Variants in CADM2 observed in about 807,000 individuals in gnomAD.
CADM2 encodes cell adhesion molecule 2, also known as immunoglobulin superfamily member 4D.
CADM2 carries 12 observed loss-of-function variants against 49.8 expected under a neutral mutation model. That is an observed-to-expected ratio of 0.24 (90% CI 0.15 to 0.39). The LOEUF is 0.39. CADM2 is among the 10% of genes least tolerant of loss of function. The probability of loss-of-function intolerance (pLI) is 1.00; values close to 1 mark genes in which losing one functional copy is unlikely to be tolerated. For missense variants in CADM2, 378 were observed against 492.3 expected, an observed-to-expected ratio of 0.77 and a Z score of 2.20; for synonymous variants, 214 against 175.4, an observed-to-expected ratio of 1.22 and a Z score of -1.74.
At chr3:85,996,290 C>CTTTTT (rs397990432) in intron 8 of CADM2, among the ~76,000 whole-genome samples, 46 of 89,274 alleles carry the variant, frequency 5.2e-4, no homozygotes, top group East Asian at 7.3e-4. Flanking sequence ...TTTTCATTTA[C>CTTTTT]TTTTTTTTTT....
At chr3:85,139,006 C>T (rs1356487499) in intron 1 of CADM2, among the ~76,000 whole-genome samples, 2 of 152,124 alleles carry the variant, frequency 1.3e-5, no homozygotes, top group Non-Finnish European at 2.9e-5. Flanking sequence ...TCTATGTGTT[C>T]AGCTCATTGC....
chr3:85,235,378 T>C (rs1258161965), intron 1 of CADM2, among the ~76,000 whole-genome samples: 1 of 152,080 alleles, frequency 6.6e-6, no homozygotes, highest in Non-Finnish European at 1.5e-5. Flanking sequence ...CCTAAATACT[T>C]ATTACTTATG....
intron 1 of CADM2, among the ~76,000 whole-genome samples, chr3:84,969,213 C>G (rs1335474987): frequency 1.3e-5 from 2 of 151,794 alleles, no homozygotes; most frequent in Non-Finnish European, 2.9e-5. Flanking sequence ...CAACTTGTGT[C>G]TTTTATTCTT....
intron 1 of CADM2, among the ~76,000 whole-genome samples, chr3:85,651,349 G>A (rs2065036739): frequency 1.3e-5 from 2 of 152,096 alleles, no homozygotes; most frequent in Non-Finnish European, 2.9e-5. Flanking sequence ...TTGCAAATTA[G>A]TCATGTCTTT....
At chr3:85,238,281 T>A (rs1016415390) in intron 1 of CADM2, among the ~76,000 whole-genome samples, 1 of 152,050 alleles carries the variant, frequency 6.6e-6, no homozygotes, top group Non-Finnish European at 1.5e-5. Flanking sequence ...ATACCATTTT[T>A]AATGAGTACA....
intron 1 of CADM2, among the ~76,000 whole-genome samples, chr3:85,173,040 G>A (rs2040673582): frequency 6.8e-6 from 1 of 148,108 alleles, no homozygotes; most frequent in Non-Finnish European, 1.5e-5. Context: ...TGTCGCCCAG[G>A]CTGGGTTGCG....
intron 8 of CADM2, among the ~76,000 whole-genome samples, chr3:86,054,326 A>G (rs1165600360): frequency 1.3e-5 from 2 of 152,110 alleles, no homozygotes; most frequent in Non-Finnish European, 2.9e-5. Context: ...AGAATAATCA[A>G]TTCCAAAAAT....
intron 1 of CADM2, among the ~76,000 whole-genome samples, chr3:85,522,523 G>A (rs1386479928): frequency 1.3e-5 from 2 of 151,962 alleles, no homozygotes; most frequent in African/African-American, 4.8e-5. Context: ...AGCAAATATT[G>A]ACTTTTTAAA....
At chr3:84,996,899 G>A (rs1272232841) in intron 1 of CADM2, among the ~76,000 whole-genome samples, 1 of 151,996 alleles carries the variant, frequency 6.6e-6, no homozygotes, top group Non-Finnish European at 1.5e-5. Context: ...ATATAGAGGG[G>A]AACAATTAAT....
At chr3:85,194,138 C>T (rs2107731079) in intron 1 of CADM2, among the ~76,000 whole-genome samples, 1 of 151,992 alleles carries the variant, frequency 6.6e-6, no homozygotes, top group African/African-American at 2.4e-5. Context: ...TTTCATAAAG[C>T]AGGGGTTGTG....
intron 5 of CADM2, among the ~76,000 whole-genome samples, chr3:85,910,596 A>T (rs1210179506): frequency 1.3e-5 from 2 of 152,084 alleles, no homozygotes; most frequent in African/African-American, 4.8e-5. Context: ...TTTATAAACA[A>T]TTCTGCGTAT....
intron 1 of CADM2, among the ~76,000 whole-genome samples, chr3:85,057,449 G>A (rs1325539926): frequency 6.6e-6 from 1 of 151,962 alleles, no homozygotes; most frequent in Admixed American, 6.6e-5. Flanking sequence ...GATTATATTA[G>A]AATATACTAA....
At chr3:85,621,397 A>C (rs1559948257) in intron 1 of CADM2, among the ~76,000 whole-genome samples, 1 of 152,188 alleles carries the variant, frequency 6.6e-6, no homozygotes, top group Non-Finnish European at 1.5e-5. Flanking sequence ...AATTCTACAG[A>C]CACGTCATAT....
chr3:85,699,913 C>T (rs1232509421), intron 1 of CADM2, among the ~76,000 whole-genome samples: 2 of 152,132 alleles, frequency 1.3e-5, no homozygotes, highest in East Asian at 3.9e-4. Context: ...AATTTTTATG[C>T]TCTGCTTATC....
intron 1 of CADM2, among the ~76,000 whole-genome samples, chr3:85,362,125 C>T (rs961527810): frequency 6.6e-5 from 10 of 152,060 alleles, no homozygotes; most frequent in African/African-American, 1.4e-4. Context: ...TGACAGGACC[C>T]GCCCAATGAA....
At chr3:84,992,326 T>C (rs1575989145) in intron 1 of CADM2, among the ~76,000 whole-genome samples, 4 of 152,280 alleles carry the variant, frequency 2.6e-5, no homozygotes, top group Non-Finnish European at 1.5e-5. Flanking sequence ...ATAAAGCCTT[T>C]GGAAAATGCT....
chr3:85,730,374 G>A (rs1192555559), intron 2 of CADM2, among the ~76,000 whole-genome samples: 2 of 151,982 alleles, frequency 1.3e-5, no homozygotes, highest in Non-Finnish European at 2.9e-5. Context: ...CCAGGGAGGC[G>A]GAGCCTGCAG....
chr3:85,847,456 A>C lies in CADM2; in HGVS notation c.239-35835A>C, dbSNP rs546508400. Among the ~76,000 whole-genome samples the C allele has an allele frequency of 4.6e-3, 705 of 152,300 alleles. 7 individuals carry two copies. Among genetic ancestry groups the C allele is most frequent in the Non-Finnish European group, 7.6e-3 (520 of 68,018 alleles). ...TACGGCATCAGAATTGAAGCTTTAA[A>C]GTTTTCAAGTGCTTCAGATGGGAAA... On this transcript the variant is annotated intron_variant, in intron 3 of 9. Coordinates refer to ENST00000383699, the MANE Select transcript of CADM2 (RefSeq NM_001167675.2).
In CADM2 at chr3:86,073,080, G is replaced by A. The variant is rs1399459639; in HGVS notation, c.*6297G>A. 3 of 151,850 alleles carry A rather than the reference G, an allele frequency of 2.0e-5. No individual in the cohort carries two copies. Among genetic ancestry groups the A allele is most frequent in the African/African-American group, 7.3e-5 (3 of 41,362 alleles). 9.4% of individuals were successfully genotyped at this position (151,850 alleles called of 1,614,324 possible). On this transcript the variant is annotated 3_prime_UTR_variant, in exon 10 of 10. Coordinates refer to ENST00000383699, the MANE Select transcript of CADM2 (RefSeq NM_001167675.2). Reference sequence around the variant, plus strand: ...TCAATATTTGTGAATTTGTTGTTCAGCTTTTCATTCAAACAAAAAATATTC... The same window carrying A: ...TCAATATTTGTGAATTTGTTGTTCAACTTTTCATTCAAACAAAAAATATTC...
Sources: allele counts gnomAD v4.1 joint callset (sites outside exome capture counted in the v4.1 genomes callset), GRCh38; gene constraint gnomAD v4.1.1; transcripts MANE v1.5; gene names NCBI Gene and HGNC (gene_info 2026-07-23, HGNC 2026-07-21).